Variants in GASK1A observed in about 807,000 individuals in gnomAD.
GASK1A encodes Golgi-associated kinase 1A.
In GASK1A, 40 loss-of-function variants were observed where a neutral mutation model predicts 41.2. The observed-to-expected ratio is 0.97, with a 90% CI of 0.75 to 1.27. The LOEUF (loss-of-function observed/expected upper bound fraction) is 1.27, where lower values mean the gene tolerates loss of function less well. GASK1A is among the 50% of genes most tolerant of loss of function. GASK1A has a pLI of 0.00. For synonymous variants in GASK1A, 316 were observed against 307.1 expected, an observed-to-expected ratio of 1.03 and a Z score of -0.30; for missense variants, 678 against 745.1, an observed-to-expected ratio of 0.91 and a Z score of 1.05.
rs1338314455 is a variant in GASK1A, at chr3:43,033,324, C to G, written c.1061C>G (p.Pro354Arg). The change falls in exon 2 of 5, where the codon CCC (proline) becomes CGC (arginine). Residue 354 changes from proline (P) to arginine (R), a missense_variant. Transcript: ENST00000430121. ...LPAVARRFHS[P>R]LLPYRYTDGG... ...GCTGTGGCCCGCCGCTTCCATAGCC[C>G]CCTCCTGCCCTACCGATACACAGAC... 1.3e-6 allele frequency: 2 copies of G among 1,551,192 alleles called. No homozygotes were observed. Among genetic ancestry groups the G allele is most frequent in the Admixed American group, 2.0e-5 (1 of 50,996 alleles).
chr3:43,055,347 G>A (rs1229982364), intron 3 of GASK1A, 85 bp from the exon 4 acceptor site: 11 of 918,212 alleles, frequency 1.2e-5, no homozygotes, highest in Non-Finnish European at 1.9e-5. Context: ...AGGGCTGTCA[G>A]CCCCTTAATC....
intron 1 of GASK1A, among the ~76,000 whole-genome samples, chr3:42,987,219 C>T (rs2089316325): frequency 1.3e-5 from 2 of 152,252 alleles, no homozygotes; most frequent in South Asian, 4.1e-4. Flanking sequence ...ACCCTTTCCT[C>T]ATTGGCCGGG....
At chr3:43,029,650 C>T (rs1385280652) in intron 1 of GASK1A, among the ~76,000 whole-genome samples, 2 of 152,142 alleles carry the variant, frequency 1.3e-5, no homozygotes, top group South Asian at 2.1e-4. Flanking sequence ...CATCAGTGCA[C>T]CACTCATGGA....
intron 1 of GASK1A, among the ~76,000 whole-genome samples, chr3:42,994,320 G>A (rs189805278): frequency 6.6e-6 from 1 of 152,264 alleles, no homozygotes; most frequent in East Asian, 1.9e-4. Flanking sequence ...CCTGGGCAGA[G>A]GACAACACCA....
chr3:43,035,859 A>G (rs2089601490), intron 2 of GASK1A, among the ~76,000 whole-genome samples: 1 of 152,226 alleles, frequency 6.6e-6, no homozygotes. Flanking sequence ...ATTGAGGCCC[A>G]GAGAAATTAG....
intron 1 of GASK1A, among the ~76,000 whole-genome samples, chr3:43,000,821 G>T (rs942637602): frequency 1.3e-5 from 2 of 152,188 alleles, no homozygotes; most frequent in Non-Finnish European, 2.9e-5. Context: ...GTTGTATTTT[G>T]GGGCAAAGTG....
chr3:43,027,469 C>G (rs1201816103), intron 1 of GASK1A, among the ~76,000 whole-genome samples: 1 of 151,850 alleles, frequency 6.6e-6, no homozygotes, highest in Admixed American at 6.6e-5. Flanking sequence ...TCATTTAAAG[C>G]TGAGAAATAT....
chr3:43,032,599 C>G lies in GASK1A; in HGVS notation c.336C>G (p.Leu112=), dbSNP rs1355490204. ...GCAGGGAGTCCCCAGGAGGGGACCTCAGGCATCCAGGGAGGGTGAGGAGGG... is the reference window on the plus strand; with the variant it reads ...GCAGGGAGTCCCCAGGAGGGGACCTGAGGCATCCAGGGAGGGTGAGGAGGG... ...DRSRESPGGD[L]RHPGRVRRDI... The change falls in exon 2 of 5, where the codon CTC becomes CTG. Residue 112 remains leucine, a synonymous_variant. Coordinates refer to ENST00000430121, the MANE Select transcript of GASK1A (RefSeq NM_001129908.3). The G allele has an allele frequency of 1.3e-6, 2 of 1,551,632 alleles. No homozygotes were observed. Among genetic ancestry groups the G allele is most frequent in the East Asian group, 4.9e-5 (2 of 40,900 alleles).
At chr3:43,020,917 G>T (rs757477911) in intron 1 of GASK1A, among the ~76,000 whole-genome samples, 4 of 152,244 alleles carry the variant, frequency 2.6e-5, no homozygotes, top group Non-Finnish European at 5.9e-5. Context: ...CACAGAGTAG[G>T]CAGGGAAGTA....
intron 1 of GASK1A, among the ~76,000 whole-genome samples, chr3:43,016,705 T>C (rs1317853760): frequency 6.6e-6 from 1 of 150,790 alleles, no homozygotes; most frequent in East Asian, 2.0e-4. Context: ...GAAGCGGCAG[T>C]GGGAAGTCAC....
At chr3:43,028,398 CA>C (rs1162748967) in intron 1 of GASK1A, among the ~76,000 whole-genome samples, 4 of 152,174 alleles carry the variant, frequency 2.6e-5, no homozygotes, top group Non-Finnish European at 4.4e-5. Flanking sequence ...TTCAGATGGT[CA>C]GGGGGCTTAG....
At chr3:42,985,261 G>C (rs2089302631) in intron 1 of GASK1A, among the ~76,000 whole-genome samples, 1 of 152,158 alleles carries the variant, frequency 6.6e-6, no homozygotes, top group South Asian at 2.1e-4. Context: ...AAGTTCTGAA[G>C]GAACGGGTGT....
At chr3:43,054,789 G>A (rs1262703072) in intron 3 of GASK1A, among the ~76,000 whole-genome samples, 1 of 152,226 alleles carries the variant, frequency 6.6e-6, no homozygotes, top group Admixed American at 6.5e-5. Flanking sequence ...AGGTTTAGGA[G>A]CTGCTAAACT....
intron 1 of GASK1A, among the ~76,000 whole-genome samples, chr3:43,007,123 C>T (rs1283417587): frequency 6.6e-6 from 1 of 152,184 alleles, no homozygotes; most frequent in Admixed American, 6.5e-5. Context: ...AAACTGTCTC[C>T]ATGACCATGG....
chr3:42,986,181 G>C (rs2089308449), intron 1 of GASK1A, among the ~76,000 whole-genome samples: 2 of 152,202 alleles, frequency 1.3e-5, no homozygotes, highest in East Asian at 3.9e-4. Context: ...CAACGTGGAG[G>C]GATGTCAAAG....
intron 1 of GASK1A, among the ~76,000 whole-genome samples, chr3:43,001,956 C>G (rs2125677110): frequency 6.6e-6 from 1 of 152,278 alleles, no homozygotes; most frequent in Non-Finnish European, 1.5e-5. Flanking sequence ...TGCTGGGCAC[C>G]CTGCCCTTTC....
At position 43,056,774 on chromosome 3, in the gene GASK1A, C is replaced by G. The variant is rs561598223; in HGVS notation, c.*388C>G. On this transcript the variant is annotated 3_prime_UTR_variant, in exon 5 of 5. Coordinates refer to ENST00000430121, the MANE Select transcript of GASK1A (RefSeq NM_001129908.3). ...ACCTGAGACCAACCTAATAAAGGTA[C>G]AATCTTCATAGAACTGCACTTGCAG... 6.3e-6 allele frequency: 1 copy of G among 158,514 alleles called. No homozygotes were observed. The highest frequency in any genetic ancestry group is 2.0e-4 in the South Asian group (1 of 4,914). 9.8% of individuals were successfully genotyped at this position (158,514 alleles called of 1,614,324 possible). A position where few individuals can be genotyped will look rare whatever the true frequency, so the allele number is the denominator to read the frequency against.
intron 1 of GASK1A, among the ~76,000 whole-genome samples, chr3:42,981,210 G>T (rs769857592): frequency 7.3e-4 from 111 of 152,164 alleles, no homozygotes; most frequent in Admixed American, 3.3e-4. Flanking sequence ...ACTGTCTCAG[G>T]GTTCACTTGC....
intron 1 of GASK1A, among the ~76,000 whole-genome samples, chr3:43,009,984 G>A (rs1337775874): frequency 6.6e-6 from 1 of 152,204 alleles, no homozygotes; most frequent in African/African-American, 2.4e-5. Flanking sequence ...ATTAGGGGAG[G>A]TCAGAATAGA....
Sources: gnomAD v4.1 joint callset for allele counts (sites outside exome capture counted in the v4.1 genomes callset) on GRCh38, gnomAD v4.1.1 for gene constraint, MANE v1.5 for transcripts, NCBI Gene and HGNC (gene_info 2026-07-23, HGNC 2026-07-21) for gene names.